The following DLG2 variants were observed in gnomAD, a reference collection of about 807,000 sequenced individuals.
DLG2 encodes the protein disks large homolog 2.
Under a neutral mutation model 132.5 loss-of-function variants are expected in DLG2, and 45 were observed. That is an observed-to-expected ratio of 0.34 (90% confidence interval 0.27 to 0.44). DLG2 has a LOEUF of 0.44. Among genes scored for constraint, DLG2 ranks in the 20% least tolerant of loss-of-function variants. The pLI, the probability that DLG2 is intolerant of heterozygous loss-of-function variation, is 1.00. For synonymous variants in DLG2, 424 were observed against 419.6 expected, an observed-to-expected ratio of 1.01 and a Z score of -0.13; for missense variants, 1,045 against 1,196.9, an observed-to-expected ratio of 0.87 and a Z score of 1.87.
At chr11:83,593,963 G>A (rs1007000462) in intron 19 of DLG2, among the ~76,000 whole-genome samples, 6 of 151,996 alleles carry the variant, frequency 3.9e-5, no homozygotes, top group Middle Eastern at 3.2e-3. Context: ...TATATATATC[G>A]TAAACCAAAA....
chr11:83,596,955 C>T (rs1040272772), intron 19 of DLG2, among the ~76,000 whole-genome samples: 18 of 152,034 alleles, frequency 1.2e-4, no homozygotes, highest in African/African-American at 4.3e-4. Context: ...CCTTAGATTC[C>T]TCACTGTCAT....
chr11:85,362,232 C>G lies in DLG2; in HGVS notation c.41-76867G>C, dbSNP rs146144027. On this transcript the variant is annotated intron_variant, in intron 3 of 27. Transcript: ENST00000376104. ...GGGCACCCCAAGTGCTGGAATTATACGCATAAGCTATCATGCCCAGCCTCC... is the reference window on the plus strand; with the variant it reads ...GGGCACCCCAAGTGCTGGAATTATAGGCATAAGCTATCATGCCCAGCCTCC... Among the ~76,000 whole-genome samples, 330 of 152,270 alleles carry G rather than the reference C, an allele frequency of 2.2e-3. 1 individual carries two copies. The highest frequency in any genetic ancestry group is 7.7e-3 in the African/African-American group (320 of 41,578).
chr11:84,808,795 A>C (rs1365331106), intron 6 of DLG2, among the ~76,000 whole-genome samples: 2 of 151,984 alleles, frequency 1.3e-5, no homozygotes, highest in Non-Finnish European at 2.9e-5. Context: ...CCTTTAAAAG[A>C]CTTGACTTTA....
At chr11:85,240,065 T>A (rs1313207244) in intron 4 of DLG2, among the ~76,000 whole-genome samples, 1 of 151,964 alleles carries the variant, frequency 6.6e-6, no homozygotes, top group South Asian at 2.1e-4. Context: ...GTATTGCCAG[T>A]GTTTTTATTT....
chr11:84,230,450 T>C (rs1317477705), intron 8 of DLG2, among the ~76,000 whole-genome samples: 2 of 152,212 alleles, frequency 1.3e-5, no homozygotes, highest in Non-Finnish European at 2.9e-5. Flanking sequence ...TAAATAAATG[T>C]TTGTAAAAGT....
At chr11:85,601,435 G>A (rs1343896270) in intron 2 of DLG2, among the ~76,000 whole-genome samples, 1 of 152,008 alleles carries the variant, frequency 6.6e-6, no homozygotes, top group Non-Finnish European at 1.5e-5. Context: ...CCGCCTTCTG[G>A]GTTCAAGCAG....
chr11:84,952,762 C>G (rs1452562842), intron 6 of DLG2, among the ~76,000 whole-genome samples: 1 of 152,052 alleles, frequency 6.6e-6, no homozygotes, highest in Non-Finnish European at 1.5e-5. Context: ...TGTTAACAGT[C>G]CCAGAACTAC....
intron 3 of DLG2, among the ~76,000 whole-genome samples, chr11:85,333,403 T>A (rs1445594725): frequency 6.6e-6 from 1 of 152,180 alleles, no homozygotes; most frequent in African/African-American, 2.4e-5. Context: ...TAGTTCAACT[T>A]CCTATCTGAA....
At chr11:83,880,465 A>G (rs1208916533) in intron 15 of DLG2, among the ~76,000 whole-genome samples, 1 of 152,212 alleles carries the variant, frequency 6.6e-6, no homozygotes, top group East Asian at 1.9e-4. Flanking sequence ...GATTCCAGTG[A>G]TCTGGCTGGG....
chr11:85,083,050 T>A (rs886534091), intron 6 of DLG2, among the ~76,000 whole-genome samples: 1 of 152,056 alleles, frequency 6.6e-6, no homozygotes, highest in Non-Finnish European at 1.5e-5. Context: ...CTGTCTACCA[T>A]CTCAGTAGCA....
At chr11:84,688,703 G>A (rs2057658201) in intron 6 of DLG2, among the ~76,000 whole-genome samples, 2 of 152,092 alleles carry the variant, frequency 1.3e-5, no homozygotes, top group Non-Finnish European at 2.9e-5. Context: ...CCTATAATGT[G>A]CATCCTACTC....
chr11:85,512,188 A>G (rs912081019), intron 3 of DLG2, among the ~76,000 whole-genome samples: 1 of 152,080 alleles, frequency 6.6e-6, no homozygotes, highest in African/African-American at 2.4e-5. Context: ...CTGTGGAACT[A>G]GCATGAAGGG....
intron 6 of DLG2, among the ~76,000 whole-genome samples, chr11:84,810,027 A>G (rs2076395171): frequency 6.6e-6 from 1 of 152,102 alleles, no homozygotes; most frequent in Non-Finnish European, 1.5e-5. Context: ...AAATAGAAAT[A>G]AAATAAAATC....
At chr11:84,178,427 CG>C (rs1201220532) in intron 8 of DLG2, among the ~76,000 whole-genome samples, 7 of 152,094 alleles carry the variant, frequency 4.6e-5, no homozygotes, top group African/African-American at 1.7e-4. Flanking sequence ...TATGAAAGGT[CG>C]TGAGTATCCT....
intron 3 of DLG2, among the ~76,000 whole-genome samples, chr11:85,408,994 T>A (rs1309933322): frequency 2.0e-5 from 3 of 151,878 alleles, no homozygotes; most frequent in African/African-American, 7.3e-5. Flanking sequence ...TTATGACAAC[T>A]TAGTGAGGAG....
chr11:83,492,159 C>T (rs1188978441), intron 21 of DLG2, among the ~76,000 whole-genome samples: 2 of 152,026 alleles, frequency 1.3e-5, no homozygotes, highest in Non-Finnish European at 2.9e-5. Context: ...CCACTTTATT[C>T]AGGGCCACCA....
chr11:84,263,049 AG>A (rs1296572075), intron 7 of DLG2, among the ~76,000 whole-genome samples: 2 of 152,162 alleles, frequency 1.3e-5, no homozygotes, highest in Non-Finnish European at 2.9e-5. Context: ...TGGCAGAACT[AG>A]GGAGTCAGGA....
chr11:84,879,322 C>T (rs2086914539), intron 6 of DLG2, among the ~76,000 whole-genome samples: 2 of 152,128 alleles, frequency 1.3e-5, no homozygotes, highest in African/African-American at 2.4e-5. Context: ...GCCAAAACCC[C>T]ATGATATATT....
intron 11 of DLG2, among the ~76,000 whole-genome samples, chr11:84,048,025 A>C (rs532542624): frequency 5.1e-4 from 77 of 151,692 alleles, no homozygotes; most frequent in Admixed American, 1.3e-3. Context: ...AGAGCCTCCC[A>C]ATTCACAAGC....
Sources: gnomAD v4.1 joint callset for allele counts (sites outside exome capture counted in the v4.1 genomes callset) on GRCh38, gnomAD v4.1.1 for gene constraint, MANE v1.5 for transcripts, NCBI Gene and HGNC (gene_info 2026-07-23, HGNC 2026-07-21) for gene names.